The following PTPRN variants were observed in gnomAD, a reference collection of about 807,000 sequenced individuals.
PTPRN encodes protein tyrosine phosphatase receptor type N.
In PTPRN, 70 loss-of-function variants were observed where a neutral mutation model predicts 108.5. That is an observed-to-expected ratio of 0.65 (90% CI 0.53 to 0.79). The LOEUF is 0.79. PTPRN is among the 30% of genes least tolerant of loss of function. The pLI is 0.00. For missense variants in PTPRN, 1,136 were observed against 1,295.5 expected, an observed-to-expected ratio of 0.88 and a Z score of 1.89; for synonymous variants, 496 against 524.6, an observed-to-expected ratio of 0.95 and a Z score of 0.75.
chr2:219,292,458 T>A (rs891556163), intron 19 of PTPRN: 6 of 152,160 alleles, frequency 3.9e-5, no homozygotes, highest in African/African-American at 1.4e-4. Flanking sequence ...CAGATTGAAG[T>A]TTGGAACTTC....
In PTPRN at chr2:219,296,202, C is replaced by T. The variant is rs567176665; in HGVS notation, c.2508+24G>A. 1.2e-6 allele frequency: 2 copies of T among 1,613,472 alleles called. No individual in the cohort carries two copies. Among genetic ancestry groups the T allele is most frequent in the East Asian group, 2.2e-5 (1 of 44,850 alleles). ...ATCTACTCTTCCCACATCCATTGTCCCCTTGCTGTGGGGCCCTGCTGACCT... is the reference window on the plus strand; with the variant it reads ...ATCTACTCTTCCCACATCCATTGTCTCCTTGCTGTGGGGCCCTGCTGACCT... On this transcript the variant is annotated intron_variant, in intron 18 of 22. Coordinates refer to ENST00000295718, the MANE Select transcript of PTPRN (RefSeq NM_002846.4). The surrounding 1 kb of genome is among the most constrained non-coding windows in gnomAD (Gnocchi z 6.0).
Position 219,309,279 on chromosome 2 carries a change from C to A in PTPRN, c.54G>T (p.Leu18=). Residue 18 remains leucine, a synonymous_variant, in exon 1 of 23, where the codon CTG becomes CTT. Transcript: ENST00000295718. ...GGLGGSGGLR[L]LLCLLLLSSR... ...TGCTCAGCAGCAGGAGGCAGAGGAG[C>A]AGCCGGAGACCCCCGGATCCCCCGA... is the stretch of plus-strand genomic sequence containing the variant. 1 of 1,533,070 alleles carries A rather than the reference C, an allele frequency of 6.5e-7. No individual in the cohort carries two copies. The allele number at this position is 1,533,070 out of a possible 1,614,324, so 95.0% of individuals were successfully genotyped here.
chr2:219,298,039 A>G lies in PTPRN; in HGVS notation c.1733T>C (p.Leu578Pro). Residue 578 changes from leucine to proline, a missense_variant, in exon 13 of 23, where the codon CTG becomes CCG. Physicochemically the swap from Leu to Pro is moderately conservative, Grantham distance 98. Coordinates refer to ENST00000295718, the MANE Select transcript of PTPRN (RefSeq NM_002846.4). Reference sequence around the variant, plus strand: ...ACCTGCCAGGGCCACCAGAGTGAGCAGCACTGAGCGCATGGGTGAGGTGCT... The same window carrying G: ...ACCTGCCAGGGCCACCAGAGTGAGCGGCACTGAGCGCATGGGTGAGGTGCT... ...AHSTSPMRSVLLTLVALAGVA... is the reference protein window; with the variant it reads ...AHSTSPMRSVPLTLVALAGVA... 6.2e-7 allele frequency: 1 copy of G among 1,614,088 alleles called. No individual in the cohort carries two copies. The highest frequency in any genetic ancestry group is 1.6e-4 in the Middle Eastern group (1 of 6,062).
At chr2:219,307,002 C>T (rs947514688) in intron 3 of PTPRN, 13 of 154,684 alleles carry the variant, frequency 8.4e-5, no homozygotes, top group Non-Finnish European at 1.7e-4. Context: ...CCTTATCCCC[C>T]AAACAGAAAC....
chr2:219,302,101 C>T, intron 6 of PTPRN, 36 bp downstream of exon 6: 2 of 1,514,640 alleles, frequency 1.3e-6, no homozygotes, highest in South Asian at 1.3e-5. Context: ...CCCAAAGCAG[C>T]CCTCACAGGG....
intron 7 of PTPRN, 72 bp from the exon 8 acceptor site, chr2:219,301,049 A>G (rs1952332421): frequency 8.9e-6 from 13 of 1,454,546 alleles, no homozygotes; most frequent in South Asian, 3.4e-5. Flanking sequence ...AGTGGGAGAA[A>G]GGGCCAGAGA....
intron 12 of PTPRN, 102 bp downstream of exon 12, chr2:219,298,945 G>C: frequency 3.6e-6 from 5 of 1,388,430 alleles, no homozygotes; most frequent in South Asian, 2.3e-5. Flanking sequence ...CCGTGCCTAC[G>C]GACACGTTTC....
At chr2:219,304,219 A>G (rs912438184) in intron 3 of PTPRN, 7 of 156,340 alleles carry the variant, frequency 4.5e-5, no homozygotes, top group Admixed American at 4.3e-4. Flanking sequence ...AACAAATGCT[A>G]TTACCATAAT....
intron 3 of PTPRN, among the ~76,000 whole-genome samples, chr2:219,306,193 A>C: frequency 6.6e-6 from 1 of 152,112 alleles, no homozygotes; most frequent in East Asian, 1.9e-4. Flanking sequence ...AAACCCAAAA[A>C]AACTTTGACT....
intron 19 of PTPRN, among the ~76,000 whole-genome samples, chr2:219,293,245 G>A (rs1276314623): frequency 1.3e-5 from 2 of 152,074 alleles, no homozygotes; most frequent in Non-Finnish European, 2.9e-5. Context: ...CAGTGGCACG[G>A]TCTCGTCTCA....
chr2:219,296,322 G>T lies in PTPRN; in HGVS notation c.2412C>A (p.Thr804=), dbSNP rs370422910. 1.9e-6 allele frequency: 3 copies of T among 1,614,042 alleles called. No individual in the cohort carries two copies. The highest frequency in any genetic ancestry group is 2.5e-6 in the Non-Finnish European group (3 of 1,180,010). The change falls in exon 18 of 23, where the codon ACC becomes ACA. Residue 804 remains threonine (T), a synonymous_variant. Transcript: ENST00000295718. The surrounding 1 kb of genome is among the most constrained non-coding windows in gnomAD (Gnocchi z 6.0). ...CCAGCGGGGTCAGCATGACGATGAC[G>T]GTGCAGCCGCTCTCCCACACCATCT... The part of the protein sequence containing the change: ...FWQMVWESGC[T]VIVMLTPLVE...
chr2:219,291,816 G>C (rs1184993527), intron 19 of PTPRN: 4 of 500,454 alleles, frequency 8.0e-6, no homozygotes, highest in Non-Finnish European at 1.4e-5. Flanking sequence ...AGGATAGTAA[G>C]AAAAACCTCC....
chr2:219,307,479 C>G lies in PTPRN; in HGVS notation c.245G>C (p.Arg82Pro). The change falls in exon 3 of 23, where the codon CGC becomes CCC. Residue 82 changes from arginine to proline, a missense_variant. Coordinates refer to ENST00000295718, the MANE Select transcript of PTPRN (RefSeq NM_002846.4). ...LLQVTSPVLQ[R>P]LQGVLRQLMS... ...GAGTTGTCGGAGCACACCTTGTAAG[C>G]GTTGGAGAACTGGGGAGGTGACTTG... The G allele has an allele frequency of 6.2e-7, 1 of 1,614,134 alleles. No homozygotes were observed. The highest frequency in any genetic ancestry group is 8.5e-7 in the Non-Finnish European group (1 of 1,180,010).
In PTPRN at chr2:219,290,937, G is replaced by A; in HGVS notation, c.2730-47C>T. 1 of 1,585,988 alleles carries A rather than the reference G, an allele frequency of 6.3e-7. No homozygotes were observed. Among genetic ancestry groups the A allele is most frequent in the Non-Finnish European group, 8.7e-7 (1 of 1,154,448 alleles). On this transcript the variant is annotated intron_variant, in intron 20 of 22. Coordinates refer to ENST00000295718, the MANE Select transcript of PTPRN (RefSeq NM_002846.4). This position sits in a 1 kb window ranked among gnomAD's most constrained non-coding sequence, Gnocchi z 4.2. ...GGTTTAGCTTGAGATGCAGCAGAAA[G>A]GGGGAGGGACGGAGGAGGCGAGGAG...
intron 19 of PTPRN, chr2:219,294,302 T>C (rs531678968): frequency 1.0e-5 from 4 of 388,380 alleles, no homozygotes; most frequent in Middle Eastern, 7.6e-4. Flanking sequence ...AGAGAGAAAC[T>C]GGCAGACAGG....
At chr2:219,295,500 A>C in intron 18 of PTPRN, 2 of 187,156 alleles carry the variant, frequency 1.1e-5, no homozygotes, top group East Asian at 1.4e-4. Flanking sequence ...GGACCAATGA[A>C]AGGCTTTTTA....
At position 219,299,381 on chromosome 2, in the gene PTPRN, C is replaced by G; in HGVS notation, c.1527G>C (p.Val509=). 1 of 1,614,196 alleles carries G rather than the reference C, an allele frequency of 6.2e-7. No homozygotes were observed. The highest frequency in any genetic ancestry group is 1.1e-5 in the South Asian group (1 of 91,084). The change falls in exon 11 of 23, where the codon GTG becomes GTC. Residue 509 remains valine, a synonymous_variant. Coordinates refer to ENST00000295718, the MANE Select transcript of PTPRN (RefSeq NM_002846.4). The part of the protein sequence containing the change: ...MSSGSFINIS[V]VGPALTFRIR... ...TGCGGAAGGTGAGGGCTGGTCCCAC[C>G]ACACTGCCAGATAGGAGCTATGTTA...
intron 18 of PTPRN, chr2:219,295,935 T>C (rs1053529611): frequency 6.2e-6 from 2 of 320,368 alleles, no homozygotes; most frequent in African/African-American, 4.3e-5. Context: ...CTCTGTGCCT[T>C]TATCATAAGT....
intron 19 of PTPRN, chr2:219,294,028 G>C: frequency 2.0e-6 from 1 of 488,230 alleles, no homozygotes; most frequent in South Asian, 1.5e-5. Context: ...CACTCCTTTC[G>C]ACAGTCTTTG....
Sources: allele counts gnomAD v4.1 joint callset (sites outside exome capture counted in the v4.1 genomes callset), GRCh38; gene constraint gnomAD v4.1.1; non-coding constraint Gnocchi (gnomAD v3.1); transcripts MANE v1.5; gene names NCBI Gene and HGNC (gene_info 2026-07-23, HGNC 2026-07-21).